The following ESYT3 variants were observed in gnomAD, a reference collection of about 807,000 sequenced individuals.
ESYT3 encodes extended synaptotagmin 3, also known as extended synaptotagmin-3.
ESYT3 carries 101 observed loss-of-function variants against 111.5 expected under a neutral mutation model. The ratio of observed to expected loss-of-function variants is 0.91; its 90% CI spans 0.77 to 1.07. The LOEUF (loss-of-function observed/expected upper bound fraction) is 1.07, where lower values mean the gene tolerates loss of function less well. Among genes scored for constraint, ESYT3 ranks in the 50% least tolerant of loss-of-function variants. The pLI, the probability that ESYT3 is intolerant of heterozygous loss-of-function variation, is 0.00. For missense variants in ESYT3, 1,097 were observed against 1,109.4 expected (o/e 0.99, Z 0.16); for synonymous variants, 416 against 446.8 (o/e 0.93, Z 0.87).
intron 14 of ESYT3, among the ~76,000 whole-genome samples, chr3:138,469,090 CTG>C (rs1474097489): frequency 6.6e-6 from 1 of 152,188 alleles, no homozygotes; most frequent in Non-Finnish European, 1.5e-5. Flanking sequence ...CTCATGATGA[CTG>C]TGTCATTCAT....
At chr3:138,465,989 T>C (rs965710641) in intron 10 of ESYT3, among the ~76,000 whole-genome samples, 1 of 152,156 alleles carries the variant, frequency 6.6e-6, no homozygotes, top group Non-Finnish European at 1.5e-5. Flanking sequence ...TAAATGAATA[T>C]CTAACCTCAG....
chr3:138,472,915 C>G (rs979267004), intron 18 of ESYT3, 56 bp downstream of exon 18: 10 of 1,552,392 alleles, frequency 6.4e-6, no homozygotes, highest in Non-Finnish European at 7.8e-6. Context: ...AAATACCTCG[C>G]TGGATGGAAA....
Position 138,469,515 on chromosome 3 carries a change from T to A in ESYT3, c.1503+11T>A. ...ACACATACAAGTAAGGTAAGACAGC[T>A]TGGTGTGTAGCCCTGGGGTAAGGAA... On this transcript the variant is annotated intron_variant, in intron 15 of 22. Transcript: ENST00000389567. 6.2e-7 allele frequency: 1 copy of A among 1,612,520 alleles called. No individual in the cohort carries two copies. Among genetic ancestry groups the A allele is most frequent in the South Asian group, 1.1e-5 (1 of 90,982 alleles).
chr3:138,442,050 C>T (rs1023823246), intron 1 of ESYT3, among the ~76,000 whole-genome samples: 9 of 151,994 alleles, frequency 5.9e-5, no homozygotes, highest in African/African-American at 1.9e-4. Context: ...CCAGAATCAC[C>T]CACTCTATTC....
intron 7 of ESYT3, among the ~76,000 whole-genome samples, chr3:138,461,684 T>TA (rs1338151254): frequency 6.6e-6 from 1 of 152,170 alleles, no homozygotes; most frequent in African/African-American, 2.4e-5. Context: ...ACCCCAGGAA[T>TA]ACGCATTATT....
At chr3:138,439,050 T>G (rs1226074157) in intron 1 of ESYT3, among the ~76,000 whole-genome samples, 1 of 152,064 alleles carries the variant, frequency 6.6e-6, no homozygotes, top group Admixed American at 6.5e-5. Flanking sequence ...TATAGCACAG[T>G]GACAAGCACG....
rs1201846028 is a variant in ESYT3, at chr3:138,434,812, AGCCCTGCGCCCCCGGGGCCCCCAGC to A, written c.21_45del (p.Cys7TrpfsTer37). 5.1e-6 allele frequency: 8 copies of A among 1,560,112 alleles called. No homozygotes were observed. The highest frequency in any genetic ancestry group is 1.9e-5 in the Admixed American group (1 of 53,556). ...TGCGGCGACGAGATGCGAGCAGAGG[AGCCCTGCGCCCCCGGGGCCCCCAGC>A]GCCCTGGGAGCCCAGCGCACGCCGG... On this transcript the variant is annotated frameshift_variant, in exon 1 of 23. Transcript: ENST00000389567. LOFTEE classifies it high-confidence loss of function.
rs2033613900 is a variant in ESYT3, at chr3:138,479,123, T to C, written c.*2269T>C. ...AAAAAATACAAAGTACACAGGAATA[T>C]CAAACTGAAAAATAGCCATAGATAA... On this transcript the variant is annotated 3_prime_UTR_variant, in exon 23 of 23. Coordinates refer to ENST00000389567, the MANE Select transcript of ESYT3 (RefSeq NM_031913.5). 2 of 151,848 alleles carry C rather than the reference T, an allele frequency of 1.3e-5. No individual in the cohort carries two copies. Among genetic ancestry groups the C allele is most frequent in the Admixed American group, 1.3e-4 (2 of 15,260 alleles). 9.4% of individuals were successfully genotyped at this position (151,848 alleles called of 1,614,324 possible).
chr3:138,436,067 A>T (rs1211733277), intron 1 of ESYT3, among the ~76,000 whole-genome samples: 1 of 152,196 alleles, frequency 6.6e-6, no homozygotes, highest in Non-Finnish European at 1.5e-5. Flanking sequence ...GCAGGGCCAT[A>T]GGTTCCTCCT....
chr3:138,441,344 T>C (rs2031137032), intron 1 of ESYT3, among the ~76,000 whole-genome samples: 1 of 152,102 alleles, frequency 6.6e-6, no homozygotes, highest in African/African-American at 2.4e-5. Flanking sequence ...AGAGGTCACA[T>C]GGTGGATGAG....
chr3:138,434,659 G>T lies in ESYT3; in HGVS notation c.-140G>T. On this transcript the variant is annotated 5_prime_UTR_variant, in exon 1 of 23. Transcript: ENST00000389567. ...CTCCGTCGCAGAGAACCCTGAGCTC[G>T]GCGCGCCGAGAGTCCCAGCAGGGCA... The T allele has an allele frequency of 1.3e-6, 1 of 762,746 alleles. No individual in the cohort carries two copies. Among genetic ancestry groups the T allele is most frequent in the Middle Eastern group, 3.8e-4 (1 of 2,608 alleles). The allele number at this position is 762,746 out of a possible 1,614,324, so 47.2% of individuals were successfully genotyped here.
chr3:138,458,829 A>G (rs774007), intron 4 of ESYT3, among the ~76,000 whole-genome samples: 116,024 of 152,190 alleles, frequency 0.76, 44,429 homozygotes, highest in East Asian at 0.95. Context: ...GGGGTGGAAA[A>G]GTGGGCAGCG....
In ESYT3 at chr3:138,478,007, C is replaced by CTATG. The variant is rs1363479000; in HGVS notation, c.*1154_*1157dup. ...GTTCTATTCCAGAGTAGTCCAAATACTATGCTCTGCTGACTCAAGTCATGT... is the reference window on the plus strand; with the variant it reads ...GTTCTATTCCAGAGTAGTCCAAATACTATGTATGCTCTGCTGACTCAAGTCATGT... On this transcript the variant is annotated 3_prime_UTR_variant, in exon 23 of 23. Coordinates refer to ENST00000389567, the MANE Select transcript of ESYT3 (RefSeq NM_031913.5). 24 of 152,350 alleles carry CTATG rather than the reference C, an allele frequency of 1.6e-4. No homozygotes were observed. The highest frequency in any genetic ancestry group is 5.5e-4 in the African/African-American group (23 of 41,584). The allele number at this position is 152,350 out of a possible 1,614,324, so 9.4% of individuals were successfully genotyped here.
chr3:138,468,774 C>T, intron 13 of ESYT3, 45 bp from the exon 14 acceptor site: 2 of 1,613,742 alleles, frequency 1.2e-6, no homozygotes, highest in Non-Finnish European at 8.5e-7. Context: ...CCATCACTTT[C>T]AAATTGTCCT....
intron 8 of ESYT3, chr3:138,462,450 G>T: frequency 1.8e-6 from 1 of 569,802 alleles, no homozygotes; most frequent in South Asian, 2.6e-5. Context: ...TCCTCTGTTT[G>T]TGACAACTGA....
chr3:138,459,735 C>G (rs2032513951), intron 5 of ESYT3, among the ~76,000 whole-genome samples: 1 of 152,224 alleles, frequency 6.6e-6, no homozygotes, highest in Non-Finnish European at 1.5e-5. Context: ...CTCAGGGCCC[C>G]TTGGTAGCTG....
At chr3:138,464,213 C>A in intron 8 of ESYT3, 132 bp from the exon 9 acceptor site, 1 of 1,035,060 alleles carries the variant, frequency 9.7e-7, no homozygotes, top group East Asian at 2.5e-5. Context: ...TATCTGGCTT[C>A]TATCTCCTGG....
chr3:138,450,506 C>T (rs946994428), intron 1 of ESYT3, among the ~76,000 whole-genome samples: 5 of 152,180 alleles, frequency 3.3e-5, no homozygotes, highest in Non-Finnish European at 1.5e-5. Flanking sequence ...CTCTTCCGTA[C>T]CTGGGAATAT....
chr3:138,465,485 A>G, intron 10 of ESYT3, 64 bp downstream of exon 10: 2 of 1,311,728 alleles, frequency 1.5e-6, no homozygotes, highest in Non-Finnish European at 2.1e-6. Context: ...GTGCTGGGCT[A>G]GATACCCTGC....
Sources: allele counts gnomAD v4.1 joint callset (sites outside exome capture counted in the v4.1 genomes callset), GRCh38; gene constraint gnomAD v4.1.1; transcripts MANE v1.5; gene names NCBI Gene and HGNC (gene_info 2026-07-23, HGNC 2026-07-21).